Variants in PREX1 observed in about 807,000 individuals in gnomAD.
PREX1 encodes phosphatidylinositol-3,4,5-trisphosphate dependent Rac exchange factor 1.
Under a neutral mutation model 198.3 loss-of-function variants are expected in PREX1, and 41 were observed. The ratio of observed to expected loss-of-function variants is 0.21; its 90% CI spans 0.16 to 0.27. The LOEUF is 0.27. PREX1 is among the 10% of genes least tolerant of loss of function. PREX1 has a pLI of 1.00. For synonymous variants in PREX1, 843 were observed against 887.2 expected (o/e 0.95, Z 0.89); for missense variants, 1,620 against 2,200.7 (o/e 0.74, Z 5.28).
chr20:48,674,278 T>C (rs2089694653), intron 14 of PREX1, among the ~76,000 whole-genome samples: 1 of 152,268 alleles, frequency 6.6e-6, no homozygotes, highest in Non-Finnish European at 1.5e-5. Flanking sequence ...GTTTCTCAAC[T>C]TTCTTTTGAA....
chr20:48,882,327 C>T, the PREX1 span, among the ~76,000 whole-genome samples: 4 of 151,440 alleles, frequency 2.6e-5, no homozygotes, highest in Non-Finnish European at 5.9e-5. Flanking sequence ...ACGGTGAAAC[C>T]CCGTCTCTAC....
At chr20:48,741,638 G>A (rs753737866) in intron 3 of PREX1, among the ~76,000 whole-genome samples, 1 of 152,206 alleles carries the variant, frequency 6.6e-6, no homozygotes, top group Non-Finnish European at 1.5e-5. Flanking sequence ...AGGGGCAAAA[G>A]ATCCGATGTG....
chr20:48,662,499 A>C (rs999668537), intron 15 of PREX1, among the ~76,000 whole-genome samples: 13 of 152,110 alleles, frequency 8.5e-5, no homozygotes, highest in Admixed American at 6.5e-5. Context: ...TTCCTTGTCT[A>C]CAAGAATAAC....
chr20:48,635,960 A>G (rs1222989781), intron 32 of PREX1, among the ~76,000 whole-genome samples: 1 of 152,178 alleles, frequency 6.6e-6, no homozygotes, highest in Non-Finnish European at 1.5e-5. Flanking sequence ...CTTGTGCAGC[A>G]GCAGCCAGCA....
intron 1 of PREX1, among the ~76,000 whole-genome samples, chr20:48,800,635 G>C (rs7360629): frequency 1.3e-5 from 2 of 151,914 alleles, no homozygotes; most frequent in African/African-American, 4.8e-5. Context: ...ACTTACCTAC[G>C]AGGCGTAAAA....
chr20:48,642,595 A>C, intron 27 of PREX1, 106 bp from the exon 28 acceptor site: 1 of 996,418 alleles, frequency 1.0e-6, no homozygotes, highest in Non-Finnish European at 1.5e-6. Context: ...CCAAACCCAC[A>C]AGGGATGTGG....
chr20:48,690,262 G>C (rs2089811187), intron 9 of PREX1, among the ~76,000 whole-genome samples: 1 of 152,150 alleles, frequency 6.6e-6, no homozygotes, highest in Non-Finnish European at 1.5e-5. Flanking sequence ...AGGGTTTTTA[G>C]GGTTATATGT....
intron 5 of PREX1, 89 bp from the exon 6 acceptor site, chr20:48,708,510 C>CAAA (rs2089914097): frequency 7.2e-7 from 1 of 1,392,576 alleles, no homozygotes; most frequent in African/African-American, 1.4e-5. Context: ...AGAAAACAGA[C>CAAA]AAAAACTCCT....
chr20:48,735,733 T>C (rs988325459), intron 3 of PREX1, among the ~76,000 whole-genome samples: 3 of 152,068 alleles, frequency 2.0e-5, no homozygotes, highest in African/African-American at 7.2e-5. Context: ...CAGACTCACA[T>C]ACCCATGACA....
rs1482982590 is a variant in PREX1, at chr20:48,703,092, T to C, written c.784-2206A>G. Among the ~76,000 whole-genome samples, 3 of 152,188 alleles carry C rather than the reference T, an allele frequency of 2.0e-5. No individual in the cohort carries two copies. In the East Asian group the frequency reaches 5.8e-4, roughly 29 times the overall value. On this transcript the variant is annotated intron_variant, in intron 6 of 39. Coordinates refer to ENST00000371941, the MANE Select transcript of PREX1 (RefSeq NM_020820.4). The stretch of plus-strand genomic sequence containing the variant: ...CCACTGGGACCTGCTGACTGAATTC[T>C]TTCTGAGACCCAGTAAGGAGAACTG...
chr20:48,766,701 A>G (rs951712100), intron 1 of PREX1, among the ~76,000 whole-genome samples: 3 of 152,144 alleles, frequency 2.0e-5, no homozygotes, highest in African/African-American at 7.2e-5. Context: ...CTATAACTTA[A>G]CCTTGATTTA....
intron 9 of PREX1, among the ~76,000 whole-genome samples, chr20:48,690,114 G>A (rs2089810122): frequency 1.3e-5 from 2 of 152,134 alleles, no homozygotes; most frequent in Admixed American, 6.5e-5. Context: ...GAAGGCCGGG[G>A]GAAATGAAGA....
chr20:48,749,135 G>C (rs919641674), intron 1 of PREX1, among the ~76,000 whole-genome samples: 1 of 152,108 alleles, frequency 6.6e-6, no homozygotes. Flanking sequence ...AGCACCTAAG[G>C]GAGACCGAGG....
chr20:48,646,246 A>T (rs73140196), intron 25 of PREX1, among the ~76,000 whole-genome samples, 189 bp from the exon 26 acceptor site: 24,391 of 152,228 alleles, frequency 0.16, 2,247 homozygotes, highest in Middle Eastern at 0.3. Context: ...CTTTCCTGTG[A>T]AGACCCTGAG....
At chr20:48,738,563 G>C (rs558761781) in intron 3 of PREX1, among the ~76,000 whole-genome samples, 2 of 152,326 alleles carry the variant, frequency 1.3e-5, no homozygotes, top group South Asian at 4.1e-4. Context: ...CAGAGTCCAA[G>C]TGTTCCATTT....
intron 2 of PREX1, among the ~76,000 whole-genome samples, chr20:48,745,942 C>T (rs1568848202): frequency 6.6e-6 from 1 of 152,170 alleles, no homozygotes; most frequent in Non-Finnish European, 1.5e-5. Context: ...ACAGGACAGA[C>T]CCCGCAATGA....
At chr20:48,821,819 C>G (rs920426328) in intron 1 of PREX1, 2 of 152,218 alleles carry the variant, frequency 1.3e-5, no homozygotes, top group Non-Finnish European at 2.9e-5. Flanking sequence ...GAGACACCAA[C>G]CCCATTCGCG....
intron 5 of PREX1, among the ~76,000 whole-genome samples, chr20:48,710,282 A>G (rs1190859432): frequency 6.6e-6 from 1 of 152,230 alleles, no homozygotes; most frequent in African/African-American, 2.4e-5. Context: ...TCACTCAGCA[A>G]ATACTGGCTG....
chr20:48,843,512 G>A, the PREX1 span, among the ~76,000 whole-genome samples: 1 of 152,216 alleles, frequency 6.6e-6, no homozygotes, highest in Non-Finnish European at 1.5e-5. Context: ...AGACTCACCA[G>A]TCTACATTCC....
Sources: allele counts gnomAD v4.1 joint callset (sites outside exome capture counted in the v4.1 genomes callset), GRCh38; gene constraint gnomAD v4.1.1; transcripts MANE v1.5; gene names NCBI Gene and HGNC (gene_info 2026-07-23, HGNC 2026-07-21).